The following SGCZ variants were observed in gnomAD, a reference collection of about 807,000 sequenced individuals.
SGCZ encodes the protein zeta-sarcoglycan.
A neutral mutation model predicts 41.3 loss-of-function variants in SGCZ; 40 were observed. The ratio of observed to expected loss-of-function variants is 0.97; its 90% CI spans 0.75 to 1.26. The LOEUF (loss-of-function observed/expected upper bound fraction) is 1.26. Among genes scored for constraint, SGCZ ranks in the 50% most tolerant of loss-of-function variants. The pLI is 0.00. For synonymous variants in SGCZ, 206 were observed against 137.5 expected (o/e 1.50, Z -3.49); for missense variants, 552 against 369.8 (o/e 1.49, Z -4.04).
At chr8:14,480,597 A>G (rs1200556813) in intron 2 of SGCZ, among the ~76,000 whole-genome samples, 1 of 151,592 alleles carries the variant, frequency 6.6e-6, no homozygotes, top group Admixed American at 6.6e-5. Context: ...CATTCTCATC[A>G]TGCTGACTCC....
Position 14,234,043 on chromosome 8 carries a change from G to T in SGCZ, c.424+3549C>A, listed in dbSNP as rs1219181476. ...AATGTTATGAAGGTCAAGAAAATTA[G>T]AATCCTAGACTTAGTGGGGGAAATT... On this transcript the variant is annotated intron_variant, in intron 4 of 7. Transcript: ENST00000382080. Among the ~76,000 whole-genome samples, 6 of 151,944 alleles carry T rather than the reference G, an allele frequency of 3.9e-5. No individual in the cohort carries two copies. The East Asian group carries it at 5.8e-4, about 15-fold the overall frequency.
intron 1 of SGCZ, among the ~76,000 whole-genome samples, chr8:15,057,390 T>C (rs757489646): frequency 6.6e-6 from 1 of 152,150 alleles, no homozygotes; most frequent in African/African-American, 2.4e-5. Flanking sequence ...ACAAACACAG[T>C]CTTTCTATGA....
At chr8:14,606,527 G>T (rs973455421) in intron 1 of SGCZ, among the ~76,000 whole-genome samples, 1 of 152,068 alleles carries the variant, frequency 6.6e-6, no homozygotes, top group Non-Finnish European at 1.5e-5. Context: ...CACCTAAATG[G>T]CAGGAATCAT....
intron 1 of SGCZ, among the ~76,000 whole-genome samples, chr8:15,101,025 A>C (rs999038362): frequency 6.6e-6 from 1 of 152,198 alleles, no homozygotes; most frequent in Non-Finnish European, 1.5e-5. Flanking sequence ...TTGTAATAAA[A>C]AACAAATGGT....
chr8:14,126,979 G>T (rs1802880889), intron 5 of SGCZ, among the ~76,000 whole-genome samples: 2 of 152,000 alleles, frequency 1.3e-5, no homozygotes, highest in South Asian at 4.1e-4. Flanking sequence ...GGCCATCTGG[G>T]GGGTCAGGGG....
chr8:14,260,589 A>G (rs928829221), intron 3 of SGCZ, among the ~76,000 whole-genome samples: 87 of 148,918 alleles, frequency 5.8e-4, no homozygotes, highest in African/African-American at 2.0e-3. Context: ...CAGCCATCCC[A>G]TTACTGGGTA....
rs1805450127 is a variant in SGCZ, at chr8:15,074,169, G to A, written c.39+163416C>T. Reference sequence around the variant, plus strand: ...AGATGTCTGTGACCATCAGCCACTTGCTGACCTCAATCCTTTCCTCTCCCC... The same window carrying A: ...AGATGTCTGTGACCATCAGCCACTTACTGACCTCAATCCTTTCCTCTCCCC... On this transcript the variant is annotated intron_variant, in intron 1 of 7. Transcript: ENST00000382080. Among the ~76,000 whole-genome samples the A allele has an allele frequency of 2.0e-5, 3 of 152,216 alleles. No homozygotes were observed. In the South Asian group the frequency reaches 6.2e-4, roughly 32 times the overall value.
intron 1 of SGCZ, among the ~76,000 whole-genome samples, chr8:15,068,797 C>CT (rs1805245488): frequency 6.6e-6 from 1 of 152,166 alleles, no homozygotes; most frequent in African/African-American, 2.4e-5. Context: ...TAAAAAATGT[C>CT]CTCAGCAATA....
intron 1 of SGCZ, among the ~76,000 whole-genome samples, chr8:15,177,160 T>C (rs1418963950): frequency 1.3e-5 from 2 of 152,156 alleles, no homozygotes; most frequent in Non-Finnish European, 2.9e-5. Context: ...TTAAATAAAA[T>C]ATCAGCCATA....
chr8:14,210,995 T>C (rs1805786522), intron 4 of SGCZ, among the ~76,000 whole-genome samples: 1 of 152,184 alleles, frequency 6.6e-6, no homozygotes, highest in Admixed American at 6.6e-5. Flanking sequence ...CACTTCAAGC[T>C]ATATTATTAG....
At chr8:14,258,433 T>G (rs558801797) in intron 3 of SGCZ, among the ~76,000 whole-genome samples, 63 of 152,264 alleles carry the variant, frequency 4.1e-4, no homozygotes, top group African/African-American at 1.5e-3. Flanking sequence ...AAAATCATAC[T>G]GCAAAAGATA....
chr8:14,483,113 T>C (rs886066831), intron 2 of SGCZ, among the ~76,000 whole-genome samples: 1 of 152,194 alleles, frequency 6.6e-6, no homozygotes, highest in African/African-American at 2.4e-5. Context: ...ATTGAAATCA[T>C]CTGTGTGTAT....
intron 2 of SGCZ, among the ~76,000 whole-genome samples, chr8:14,475,762 A>C (rs1322782653): frequency 6.6e-6 from 1 of 152,188 alleles, no homozygotes; most frequent in Non-Finnish European, 1.5e-5. Flanking sequence ...AATGATATAT[A>C]TATACACACA....
chr8:14,360,860 T>C (rs1803485852), intron 2 of SGCZ, among the ~76,000 whole-genome samples: 1 of 152,152 alleles, frequency 6.6e-6, no homozygotes, highest in Non-Finnish European at 1.5e-5. Context: ...AAACCACTTT[T>C]TTGTTGTTGT....
chr8:14,616,661 C>T (rs952655237), intron 1 of SGCZ, among the ~76,000 whole-genome samples: 9 of 151,964 alleles, frequency 5.9e-5, no homozygotes, highest in Admixed American at 1.3e-4. Flanking sequence ...AAAGAGAGAC[C>T]GGAAAATTGA....
intron 2 of SGCZ, among the ~76,000 whole-genome samples, chr8:14,498,667 G>C (rs1802061772): frequency 6.6e-6 from 1 of 151,608 alleles, no homozygotes; most frequent in South Asian, 2.1e-4. Context: ...GGTTATACTA[G>C]TCATTATACT....
intron 1 of SGCZ, among the ~76,000 whole-genome samples, chr8:15,070,931 T>C: frequency 6.6e-6 from 1 of 152,248 alleles, no homozygotes; most frequent in African/African-American, 2.4e-5. Context: ...GAGTGCTCAG[T>C]TAAGTGGAGA....
chr8:14,206,075 T>C (rs1356015941), intron 4 of SGCZ, among the ~76,000 whole-genome samples: 2 of 152,138 alleles, frequency 1.3e-5, no homozygotes, highest in Non-Finnish European at 2.9e-5. Context: ...AACATTTCTC[T>C]ACCATTTAAC....
At chr8:14,539,899 T>A (rs1309788091) in intron 2 of SGCZ, among the ~76,000 whole-genome samples, 1 of 151,972 alleles carries the variant, frequency 6.6e-6, no homozygotes, top group Admixed American at 6.6e-5. Context: ...TTGGCTTGTT[T>A]GCTTTAATTT....
Sources: allele counts gnomAD v4.1 joint callset (sites outside exome capture counted in the v4.1 genomes callset), GRCh38; gene constraint gnomAD v4.1.1; transcripts MANE v1.5; gene names NCBI Gene and HGNC (gene_info 2026-07-23, HGNC 2026-07-21).